The following UBE2U variants were observed in gnomAD, a reference collection of about 807,000 sequenced individuals.
UBE2U encodes the protein ubiquitin-conjugating enzyme E2 U.
A neutral mutation model predicts 41.2 loss-of-function variants in UBE2U; 39 were observed. That is an observed-to-expected ratio of 0.95 (90% CI 0.73 to 1.24). The LOEUF is 1.24. Among genes scored for constraint, UBE2U ranks in the 50% most tolerant of loss-of-function variants. The pLI, the probability that UBE2U is intolerant of heterozygous loss-of-function variation, is 0.00. For synonymous variants in UBE2U, 107 were observed against 117.8 expected, an observed-to-expected ratio of 0.91 and a Z score of 0.60; for missense variants, 336 against 363.1, an observed-to-expected ratio of 0.93 and a Z score of 0.61.
At chr1:64,256,810 C>T (rs1645099869) in intron 8 of UBE2U, among the ~76,000 whole-genome samples, 1 of 151,860 alleles carries the variant, frequency 6.6e-6, no homozygotes, top group African/African-American at 2.4e-5. Flanking sequence ...AGGAAACTAC[C>T]ATCAGAGTGA....
At chr1:64,229,276 A>G (rs1347440554) in intron 6 of UBE2U, among the ~76,000 whole-genome samples, 1 of 152,112 alleles carries the variant, frequency 6.6e-6, no homozygotes, top group Non-Finnish European at 1.5e-5. Flanking sequence ...AAGCAGAGGT[A>G]TGATAACCTA....
rs1445665778 is a variant in UBE2U at position 64,203,806 on chromosome 1, G to T, written c.-245G>T. The T allele has an allele frequency of 7.7e-6, 3 of 387,790 alleles. No homozygotes were observed. The highest frequency in any genetic ancestry group is 1.4e-5 in the Non-Finnish European group (3 of 216,176). The allele number at this position is 387,790 out of a possible 1,614,324, so 24.0% of individuals were successfully genotyped here. A position where few individuals can be genotyped will look rare whatever the true frequency, so the allele number is the denominator to read the frequency against. ...CTGTGAGCCGGCACTGCAGTGAAACGCCGCAGATGAGGAAGTGCCCAAGTC... is the reference window on the plus strand; with the variant it reads ...CTGTGAGCCGGCACTGCAGTGAAACTCCGCAGATGAGGAAGTGCCCAAGTC... On this transcript the variant is annotated 5_prime_UTR_variant, in exon 1 of 10. Coordinates refer to ENST00000371077, the MANE Select transcript of UBE2U (RefSeq NM_001366232.2).
intron 8 of UBE2U, among the ~76,000 whole-genome samples, chr1:64,251,215 G>A (rs1408802893): frequency 6.6e-6 from 1 of 150,426 alleles, no homozygotes; most frequent in Non-Finnish European, 1.5e-5. Context: ...GTTTTAAAAT[G>A]TGTTAGTTTT....
intron 3 of UBE2U, among the ~76,000 whole-genome samples, chr1:64,207,463 C>T (rs921047357): frequency 6.6e-6 from 1 of 152,174 alleles, no homozygotes; most frequent in African/African-American, 2.4e-5. Context: ...AATTTTAAAA[C>T]TATATGTCTT....
intron 8 of UBE2U, among the ~76,000 whole-genome samples, chr1:64,248,297 T>C (rs919574601): frequency 6.6e-6 from 1 of 152,120 alleles, no homozygotes; most frequent in Admixed American, 6.5e-5. Context: ...TCAGGTTCTC[T>C]GTCTGAGCAG....
intron 5 of UBE2U, among the ~76,000 whole-genome samples, chr1:64,218,852 T>C (rs1652212826): frequency 6.6e-6 from 1 of 152,242 alleles, no homozygotes; most frequent in Non-Finnish European, 1.5e-5. Context: ...TCTTTTCTTC[T>C]TCTAAACTTT....
rs1404782465 is a variant in UBE2U, at chr1:64,267,143, G to A, written c.889G>A (p.Glu297Lys). 8.4e-6 allele frequency: 13 copies of A among 1,549,786 alleles called. No homozygotes were observed. In the African/African-American group the frequency reaches 1.2e-4, roughly 15 times the overall value. Reference protein sequence around the residue: ...LYENDTDEPREEEVEDLISWT... With the variant: ...LYENDTDEPRKEEVEDLISWT... ...TGAAAATGACACAGATGAGCCCAGG[G>A]AAGAGGAAGTGGAAGATCTGATCTC... The change falls in exon 10 of 10, where the codon GAA becomes AAA. Residue 297 changes from glutamate to lysine, a missense_variant. Coordinates refer to ENST00000371077, the MANE Select transcript of UBE2U (RefSeq NM_001366232.2).
At position 64,203,790 on chromosome 1, in the gene UBE2U, G is replaced by C. The variant is rs558939224; in HGVS notation, c.-261G>C. On this transcript the variant is annotated 5_prime_UTR_variant, in exon 1 of 10. Transcript: ENST00000371077. ...TTGTCTTGAGACTGGGCTGTGAGCC[G>C]GCACTGCAGTGAAACGCCGCAGATG... The C allele has an allele frequency of 5.5e-6, 2 of 366,428 alleles. No individual in the cohort carries two copies. Among genetic ancestry groups the C allele is most frequent in the Middle Eastern group, 1.4e-3 (2 of 1,382 alleles). 22.7% of individuals were successfully genotyped at this position (366,428 alleles called of 1,614,324 possible). A position where few individuals can be genotyped will look rare whatever the true frequency, so the allele number is the denominator to read the frequency against.
At chr1:64,253,067 TAAAC>T (rs1054153981) in intron 8 of UBE2U, among the ~76,000 whole-genome samples, 5 of 151,746 alleles carry the variant, frequency 3.3e-5, no homozygotes, top group Non-Finnish European at 7.3e-5. Flanking sequence ...GAGAGGAACA[TAAAC>T]AACCTGATGG....
intron 6 of UBE2U, among the ~76,000 whole-genome samples, chr1:64,221,854 A>G (rs1410365007): frequency 6.6e-6 from 1 of 152,174 alleles, no homozygotes; most frequent in Non-Finnish European, 1.5e-5. Context: ...TGGGAGGCCA[A>G]GGCGGGTGGA....
At chr1:64,259,889 C>T (rs1645155049) in intron 8 of UBE2U, among the ~76,000 whole-genome samples, 1 of 151,796 alleles carries the variant, frequency 6.6e-6, no homozygotes. Flanking sequence ...AAAACAAACA[C>T]CTGTCCCCCC....
At chr1:64,237,687 C>A (rs2100420563) in intron 7 of UBE2U, among the ~76,000 whole-genome samples, 1 of 151,898 alleles carries the variant, frequency 6.6e-6, no homozygotes, top group South Asian at 2.1e-4. Context: ...TGAAAAAAAA[C>A]CATGGGGATA....
chr1:64,226,738 TAAAA>T (rs11311272), intron 6 of UBE2U, among the ~76,000 whole-genome samples: 1 of 148,182 alleles, frequency 6.7e-6, no homozygotes, highest in Non-Finnish European at 1.5e-5. Flanking sequence ...AAATAAAACT[TAAAA>T]AAAAAAAAAA....
chr1:64,240,390 G>A (rs1429520579), intron 7 of UBE2U, among the ~76,000 whole-genome samples: 1 of 152,184 alleles, frequency 6.6e-6, no homozygotes, highest in Non-Finnish European at 1.5e-5. Flanking sequence ...TCTCTCTTGT[G>A]GGAGAGGGAT....
chr1:64,220,027 C>T (rs977926356), intron 5 of UBE2U, among the ~76,000 whole-genome samples: 2 of 152,114 alleles, frequency 1.3e-5, no homozygotes, highest in African/African-American at 4.8e-5. Context: ...GGATTGTTCT[C>T]TTTTATGGTA....
At chr1:64,265,679 A>T (rs770647859) in intron 9 of UBE2U, among the ~76,000 whole-genome samples, 3 of 152,146 alleles carry the variant, frequency 2.0e-5, no homozygotes, top group Non-Finnish European at 4.4e-5. Context: ...TCCGGGTTCA[A>T]GTGAGTCTCC....
chr1:64,226,268 A>C (rs1002301150), intron 6 of UBE2U, among the ~76,000 whole-genome samples: 1 of 152,242 alleles, frequency 6.6e-6, no homozygotes, highest in African/African-American at 2.4e-5. Flanking sequence ...CAGTAACAAA[A>C]GAGTACATAC....
At chr1:64,215,030 C>T (rs912563789) in intron 5 of UBE2U, 98 bp downstream of exon 5, 12 of 825,464 alleles carry the variant, frequency 1.5e-5, no homozygotes, top group African/African-American at 5.1e-5. Context: ...GTCCGGAGTT[C>T]GAGACCAGCC....
At chr1:64,209,766 C>T (rs1294782471) in intron 3 of UBE2U, among the ~76,000 whole-genome samples, 2 of 141,500 alleles carry the variant, frequency 1.4e-5, no homozygotes, top group African/African-American at 5.2e-5. Context: ...TATTTGTACT[C>T]CTACCAAAAA....
Sources: allele counts gnomAD v4.1 joint callset (sites outside exome capture counted in the v4.1 genomes callset), GRCh38; gene constraint gnomAD v4.1.1; transcripts MANE v1.5; gene names NCBI Gene and HGNC (gene_info 2026-07-23, HGNC 2026-07-21).